The following SLC39A11 variants were observed in gnomAD, a reference collection of about 807,000 sequenced individuals.
The protein encoded by SLC39A11 is zinc transporter ZIP11.
A neutral mutation model predicts 36.1 loss-of-function variants in SLC39A11; 33 were observed. The ratio of observed to expected loss-of-function variants is 0.91; its 90% confidence interval spans 0.69 to 1.22. The LOEUF (loss-of-function observed/expected upper bound fraction) is 1.22, where lower values mean the gene tolerates loss of function less well. Ranked by LOEUF, SLC39A11 falls within the 50% of genes most tolerant of loss-of-function variation. SLC39A11 has a pLI of 0.00. For synonymous variants in SLC39A11, 166 were observed against 170.3 expected (o/e 0.97, Z 0.20); for missense variants, 432 against 430.3 (o/e 1.00, Z -0.03).
intron 7 of SLC39A11, among the ~76,000 whole-genome samples, chr17:72,714,206 CTT>C (rs1567975237): frequency 6.6e-6 from 1 of 151,850 alleles, no homozygotes; most frequent in Non-Finnish European, 1.5e-5. Flanking sequence ...AAATACAAAA[CTT>C]AGCTGGGTGT....
intron 5 of SLC39A11, among the ~76,000 whole-genome samples, chr17:72,871,705 A>G (rs1280569427): frequency 2.0e-5 from 3 of 152,138 alleles, no homozygotes; most frequent in African/African-American, 7.2e-5. Flanking sequence ...TGTCTCTTCT[A>G]CCTGGCTGTT....
intron 3 of SLC39A11, among the ~76,000 whole-genome samples, chr17:73,077,693 CTCTT>C (rs1477873659): frequency 6.6e-6 from 1 of 152,166 alleles, no homozygotes. Flanking sequence ...TCTTTAGAGT[CTCTT>C]TCTTTCTACC....
intron 5 of SLC39A11, among the ~76,000 whole-genome samples, chr17:72,927,582 G>A (rs909427893): frequency 2.6e-5 from 4 of 152,090 alleles, no homozygotes; most frequent in Non-Finnish European, 5.9e-5. Context: ...TTTCAGTAGC[G>A]AAAATTCAAA....
intron 4 of SLC39A11, among the ~76,000 whole-genome samples, chr17:73,011,208 G>C (rs1262961222): frequency 6.6e-6 from 1 of 152,244 alleles, no homozygotes; most frequent in East Asian, 1.9e-4. Flanking sequence ...GCACCCCAAA[G>C]GGTAAGGAAG....
chr17:72,851,188 C>A lies in SLC39A11; in HGVS notation c.431-1384G>T, dbSNP rs192345599. Among the ~76,000 whole-genome samples the A allele has an allele frequency of 2.9e-3, 443 of 152,278 alleles. 5 individuals carry two copies. Among genetic ancestry groups the A allele is most frequent in the African/African-American group, 0.01 (420 of 41,544 alleles). On this transcript the variant is annotated intron_variant, in intron 5 of 9. Coordinates refer to ENST00000255559, the MANE Select transcript of SLC39A11 (RefSeq NM_139177.4). Reference sequence around the variant, plus strand: ...CCAGCCCTTGGGTTTTCTGAGCAAACCTTCCTTTTAAAAATGCCTTTACAA... The same window carrying A: ...CCAGCCCTTGGGTTTTCTGAGCAAAACTTCCTTTTAAAAATGCCTTTACAA...
intron 7 of SLC39A11, among the ~76,000 whole-genome samples, chr17:72,682,884 T>C (rs1296228806): frequency 2.0e-5 from 3 of 152,222 alleles, no homozygotes; most frequent in African/African-American, 7.2e-5. Context: ...TCTTCTCCCA[T>C]CTGAATAATC....
intron 3 of SLC39A11, among the ~76,000 whole-genome samples, chr17:73,072,744 G>A (rs958454048): frequency 2.0e-5 from 3 of 152,204 alleles, no homozygotes; most frequent in African/African-American, 4.8e-5. Flanking sequence ...TTTGGGGGCT[G>A]GGAGTGCCAG....
chr17:73,070,579 G>A (rs143830274), intron 3 of SLC39A11, among the ~76,000 whole-genome samples: 23 of 152,262 alleles, frequency 1.5e-4, no homozygotes, highest in African/African-American at 4.3e-4. Context: ...AGGGGTTCCC[G>A]GCTTTGGCTG....
chr17:72,909,784 T>C lies in SLC39A11; in HGVS notation c.430+37968A>G, dbSNP rs558537702. ...TTTTTGAGACGGAGTCTCGCTCTGT[T>C]GCCCAGGCTGGAGTGCAGTGGCGTG... On this transcript the variant is annotated intron_variant, in intron 5 of 9. Transcript: ENST00000255559. Among the ~76,000 whole-genome samples, 1,410 of 151,372 alleles carry C rather than the reference T, an allele frequency of 9.3e-3. 21 individuals are homozygous for C. Among genetic ancestry groups the C allele is most frequent in the African/African-American group, 0.032 (1,322 of 41,298 alleles).
intron 6 of SLC39A11, among the ~76,000 whole-genome samples, chr17:72,817,229 T>C (rs1310232909): frequency 6.8e-6 from 1 of 146,772 alleles, no homozygotes; most frequent in African/African-American, 2.5e-5. Flanking sequence ...CTTCCACTCA[T>C]GGTGGAAGGC....
chr17:72,701,247 G>C (rs1208861004), intron 7 of SLC39A11, among the ~76,000 whole-genome samples: 1 of 152,232 alleles, frequency 6.6e-6, no homozygotes, highest in Non-Finnish European at 1.5e-5. Flanking sequence ...AGAGGGAGGT[G>C]TGGAGGAAGC....
chr17:72,746,757 T>C (rs1192386586), intron 6 of SLC39A11, among the ~76,000 whole-genome samples: 2 of 142,420 alleles, frequency 1.4e-5, no homozygotes, highest in Admixed American at 7.1e-5. Context: ...TAAAATAAAA[T>C]AAAAATTAGC....
chr17:72,939,751 T>C (rs984630888), intron 5 of SLC39A11, among the ~76,000 whole-genome samples: 3 of 152,206 alleles, frequency 2.0e-5, no homozygotes, highest in African/African-American at 7.2e-5. Flanking sequence ...TGCTGACACC[T>C]TGATCTCAGA....
At chr17:72,753,742 G>A (rs2075243724) in intron 6 of SLC39A11, among the ~76,000 whole-genome samples, 1 of 151,668 alleles carries the variant, frequency 6.6e-6, no homozygotes. Context: ...CATTCTCCAG[G>A]GTTGTACAAG....
chr17:73,025,911 A>C (rs962374068), intron 4 of SLC39A11, among the ~76,000 whole-genome samples: 2 of 152,072 alleles, frequency 1.3e-5, no homozygotes, highest in Non-Finnish European at 2.9e-5. Context: ...TGAGGTCAGG[A>C]GTTTGAGACC....
At chr17:72,944,482 G>A (rs2085301620) in intron 5 of SLC39A11, among the ~76,000 whole-genome samples, 1 of 152,132 alleles carries the variant, frequency 6.6e-6, no homozygotes, top group Non-Finnish European at 1.5e-5. Flanking sequence ...CTGGGTGTAT[G>A]CAGCCATCTG....
At chr17:72,696,803 G>C (rs72843233) in intron 7 of SLC39A11, among the ~76,000 whole-genome samples, 74 of 152,282 alleles carry the variant, frequency 4.9e-4, no homozygotes, top group Non-Finnish European at 8.4e-4. Flanking sequence ...TTGTGACATT[G>C]TTACTGCCTA....
Position 73,032,341 on chromosome 17 carries a change from G to A in SLC39A11, c.148-627C>T, listed in dbSNP as rs979781691. ...CCTGCCTCAGCCTCCTGAGTAGCTG[G>A]GATTATGGGTGTGTGCCACCACAGC... On this transcript the variant is annotated intron_variant, in intron 3 of 9. Transcript: ENST00000255559. 1.2e-4 allele frequency among the ~76,000 whole-genome samples: 18 copies of A among 151,916 alleles called. 1 individual carries two copies. The highest frequency in any genetic ancestry group is 3.9e-4 in the African/African-American group (16 of 41,338).
At chr17:72,991,310 A>G (rs1241672822) in intron 4 of SLC39A11, among the ~76,000 whole-genome samples, 1 of 151,894 alleles carries the variant, frequency 6.6e-6, no homozygotes, top group African/African-American at 2.4e-5. Context: ...GTTAAATAGT[A>G]TTTTACTGTA....
Sources: gnomAD v4.1 joint callset for allele counts (sites outside exome capture counted in the v4.1 genomes callset) on GRCh38, gnomAD v4.1.1 for gene constraint, MANE v1.5 for transcripts, NCBI Gene and HGNC (gene_info 2026-07-23, HGNC 2026-07-21) for gene names.